SLC12A2: variants seen among roughly 807,000 people sequenced by gnomAD.
The protein encoded by SLC12A2 is solute carrier family 12 member 2.
A neutral mutation model predicts 136.3 loss-of-function variants in SLC12A2; 67 were observed. The ratio of observed to expected loss-of-function variants is 0.49; its 90% CI spans 0.40 to 0.60. SLC12A2 has a LOEUF of 0.60. Ranked by LOEUF, SLC12A2 falls within the 20% of genes least tolerant of loss-of-function variation. SLC12A2 has a pLI of 0.00. For synonymous variants in SLC12A2, 619 were observed against 562.9 expected (o/e 1.10, Z -1.41); for missense variants, 1,322 against 1,534.7 (o/e 0.86, Z 2.32).
At chr5:128,140,700 C>T (rs1450752157) in intron 9 of SLC12A2, among the ~76,000 whole-genome samples, 1 of 149,522 alleles carries the variant, frequency 6.7e-6, no homozygotes, top group Non-Finnish European at 1.5e-5. Flanking sequence ...GTGGAACCTT[C>T]CCCCCCCAAA....
At chr5:128,159,796 T>C (rs562964490) in intron 16 of SLC12A2, among the ~76,000 whole-genome samples, 1 of 152,290 alleles carries the variant, frequency 6.6e-6, no homozygotes, top group East Asian at 1.9e-4. Flanking sequence ...GGTGGGAGTT[T>C]AAACTAGTTC....
At chr5:128,167,690 G>GT in intron 17 of SLC12A2, 71 bp from the exon 18 acceptor site, 1 of 1,092,560 alleles carries the variant, frequency 9.2e-7, no homozygotes, top group East Asian at 2.5e-5. Flanking sequence ...TTGGAGGACA[G>GT]TTTTATCACT....
intron 4 of SLC12A2, among the ~76,000 whole-genome samples, chr5:128,128,073 C>T (rs140608769): frequency 2.0e-5 from 3 of 152,094 alleles, no homozygotes; most frequent in South Asian, 2.1e-4. Flanking sequence ...TTTCTAATTT[C>T]GCTTGTGATT....
In SLC12A2 at chr5:128,084,742, G is replaced by T; in HGVS notation, c.756+32G>T. 1 of 1,517,806 alleles carries T rather than the reference G, an allele frequency of 6.6e-7. No homozygotes were observed. The highest frequency in any genetic ancestry group is 8.9e-7 in the Non-Finnish European group (1 of 1,129,276). 94.0% of individuals were successfully genotyped at this position (1,517,806 alleles called of 1,614,324 possible). On this transcript the variant is annotated intron_variant, in intron 1 of 26. Coordinates refer to ENST00000262461, the MANE Select transcript of SLC12A2 (RefSeq NM_001046.3). This position sits in a 1 kb window ranked among gnomAD's most constrained non-coding sequence, Gnocchi z 5.6. Reference sequence around the variant, plus strand: ...TCGCCCAGCCCTCCCTTCTTCCCCAGCCCCTGGTGCATGCCGACCGCGGGA... The same window carrying T: ...TCGCCCAGCCCTCCCTTCTTCCCCATCCCCTGGTGCATGCCGACCGCGGGA...
chr5:128,167,971 G>T, intron 18 of SLC12A2, 104 bp downstream of exon 18: 2 of 588,944 alleles, frequency 3.4e-6, no homozygotes, highest in Non-Finnish European at 5.7e-6. Flanking sequence ...CTCTTGTAAT[G>T]GAAATATAAG....
At chr5:128,158,755 T>C (rs746575069) in intron 16 of SLC12A2, among the ~76,000 whole-genome samples, 10 of 152,182 alleles carry the variant, frequency 6.6e-5, no homozygotes, top group Non-Finnish European at 1.5e-4. Context: ...TAGTTCTGCT[T>C]TGAGTTCTTT....
intron 17 of SLC12A2, 56 bp downstream of exon 17, chr5:128,161,856 A>C: frequency 8.5e-7 from 1 of 1,169,904 alleles, no homozygotes. Context: ...TAAGCTTTTT[A>C]AAACTTTTTA....
intron 1 of SLC12A2, among the ~76,000 whole-genome samples, chr5:128,085,993 A>C (rs1357269091): frequency 6.6e-6 from 1 of 152,236 alleles, no homozygotes; most frequent in East Asian, 1.9e-4. Context: ...AGTTTCTATC[A>C]AGTCTATTCT....
chr5:128,110,832 G>A (rs1761116349), intron 1 of SLC12A2: 3 of 1,473,316 alleles, frequency 2.0e-6, no homozygotes, highest in East Asian at 2.3e-5. Context: ...ATAATCTCAT[G>A]GATGATGACA....
At chr5:128,091,369 C>T (rs1760311872) in intron 1 of SLC12A2, among the ~76,000 whole-genome samples, 1 of 152,122 alleles carries the variant, frequency 6.6e-6, no homozygotes, top group East Asian at 1.9e-4. Context: ...ATTGCAGATA[C>T]TGGTTTGTTA....
chr5:128,132,193 G>C (rs1689722701), intron 5 of SLC12A2, among the ~76,000 whole-genome samples: 1 of 152,052 alleles, frequency 6.6e-6, no homozygotes, highest in South Asian at 2.1e-4. Context: ...ATCTGACCAT[G>C]GTACGGAGAA....
intron 25 of SLC12A2, 83 bp downstream of exon 25, chr5:128,184,584 G>T (rs1317921301): frequency 6.1e-6 from 8 of 1,321,112 alleles, no homozygotes; most frequent in Non-Finnish European, 7.2e-6. Context: ...ATATAGGAGG[G>T]TCAGTTGTAT....
chr5:128,161,810 T>G lies in SLC12A2; in HGVS notation c.2616+10T>G. 3.5e-6 allele frequency: 5 copies of G among 1,413,406 alleles called. No homozygotes were observed. Among genetic ancestry groups the G allele is most frequent in the Non-Finnish European group, 4.6e-6 (5 of 1,079,006 alleles). 87.6% of individuals were successfully genotyped at this position (1,413,406 alleles called of 1,614,324 possible). On this transcript the variant is annotated intron_variant, in intron 17 of 26. Transcript: ENST00000262461. ...ACAGTATTTGATGCAGGTAACTTTG[T>G]TAATGCTTTTCAAATGCCTACATTT...
chr5:128,160,706 G>T (rs1763009491), intron 16 of SLC12A2, among the ~76,000 whole-genome samples: 1 of 152,104 alleles, frequency 6.6e-6, no homozygotes, highest in South Asian at 2.1e-4. Context: ...AGAAATAGGG[G>T]TATTTGTTGG....
chr5:128,137,135 A>G (rs895517301), intron 7 of SLC12A2, among the ~76,000 whole-genome samples: 1 of 152,148 alleles, frequency 6.6e-6, no homozygotes, highest in Non-Finnish European at 1.5e-5. Flanking sequence ...AGTATATGTC[A>G]TTTGCGTGTT....
chr5:128,159,098 C>T (rs1007848422), intron 16 of SLC12A2, among the ~76,000 whole-genome samples: 2 of 151,440 alleles, frequency 1.3e-5, no homozygotes, highest in Non-Finnish European at 2.9e-5. Context: ...TTTGAGCTCT[C>T]ATTGTTTTTC....
At chr5:128,128,866 CTG>C (rs981441690) in intron 4 of SLC12A2, among the ~76,000 whole-genome samples, 6 of 150,492 alleles carry the variant, frequency 4.0e-5, no homozygotes, top group African/African-American at 1.2e-4. Flanking sequence ...GGGCAAATAA[CTG>C]TTGATTTTCA....
At chr5:128,134,611 A>G (rs770893245) in intron 6 of SLC12A2, among the ~76,000 whole-genome samples, 3 of 152,104 alleles carry the variant, frequency 2.0e-5, no homozygotes, top group Non-Finnish European at 1.5e-5. Context: ...TTAAAAGTTC[A>G]ACTTAGACAT....
At chr5:128,092,206 C>T (rs969446965) in intron 1 of SLC12A2, among the ~76,000 whole-genome samples, 7 of 152,206 alleles carry the variant, frequency 4.6e-5, no homozygotes, top group African/African-American at 1.4e-4. Context: ...AACAATTATA[C>T]GTTTGAAACA....
Sources: gnomAD v4.1 joint callset for allele counts (sites outside exome capture counted in the v4.1 genomes callset) on GRCh38, gnomAD v4.1.1 for gene constraint, Gnocchi (gnomAD v3.1) non-coding constraint, MANE v1.5 for transcripts, NCBI Gene and HGNC (gene_info 2026-07-23, HGNC 2026-07-21) for gene names.